Variants in VPS33B observed in about 807,000 individuals in gnomAD.
The protein encoded by VPS33B is vacuolar protein sorting-associated protein 33B.
A neutral mutation model predicts 95.3 loss-of-function variants in VPS33B; 80 were observed. The observed-to-expected ratio is 0.84, with a 90% CI of 0.70 to 1.01. VPS33B has a LOEUF of 1.01. Among genes scored for constraint, VPS33B ranks in the 50% least tolerant of loss-of-function variants. VPS33B has a pLI of 0.00. For missense variants in VPS33B, 715 were observed against 773.4 expected (o/e 0.92, Z 0.90); for synonymous variants, 280 against 280.4 (o/e 1.00, Z 0.01).
Position 91,017,150 on chromosome 15 carries a change from G to A in VPS33B, c.178-126C>T, listed in dbSNP as rs1338920610. 13 of 840,526 alleles carry A rather than the reference G, an allele frequency of 1.5e-5. No individual in the cohort carries two copies. In the East Asian group the frequency reaches 3.0e-4, roughly 19 times the overall value. The allele number at this position is 840,526 out of a possible 1,614,324, so 52.1% of individuals were successfully genotyped here. A position where few individuals can be genotyped will look rare whatever the true frequency, so the allele number is the denominator to read the frequency against. On this transcript the variant is annotated intron_variant, in intron 2 of 22. Coordinates refer to ENST00000333371, the MANE Select transcript of VPS33B (RefSeq NM_018668.5). ...TAATTATTGAGGGCTTCCTAATTAT[G>A]CTAATTATGCTCCCCTGACGACCAT...
chr15:91,016,235 A>G (rs889583939), intron 3 of VPS33B, among the ~76,000 whole-genome samples: 5 of 152,204 alleles, frequency 3.3e-5, no homozygotes, highest in African/African-American at 1.2e-4. Flanking sequence ...GTGGAAGCAC[A>G]TGTCAACAGA....
At chr15:91,008,801 G>C (rs1300737845) in intron 6 of VPS33B, among the ~76,000 whole-genome samples, 1 of 152,176 alleles carries the variant, frequency 6.6e-6, no homozygotes, top group Non-Finnish European at 1.5e-5. Context: ...AACCACAACT[G>C]GGGGTATAGG....
rs908009473 is a variant in VPS33B, at chr15:91,015,253, T to C, written c.240-820A>G. The stretch of plus-strand genomic sequence containing the variant: ...CAGGAGGCTGAGGCAGGAGAATCGC[T>C]TGAACCCAGGAGGTGGAGGTTACAG... On this transcript the variant is annotated intron_variant, in intron 3 of 22. Coordinates refer to ENST00000333371, the MANE Select transcript of VPS33B (RefSeq NM_018668.5). The surrounding 1 kb of genome is among the most constrained non-coding windows in gnomAD (Gnocchi z 4.7). Among the ~76,000 whole-genome samples, 1 of 151,758 alleles carries C rather than the reference T, an allele frequency of 6.6e-6. No homozygotes were observed. Among genetic ancestry groups the C allele is most frequent in the Non-Finnish European group, 1.5e-5 (1 of 67,988 alleles).
intron 3 of VPS33B, 43 bp downstream of exon 3, chr15:91,016,920 C>G: frequency 1.9e-6 from 3 of 1,601,288 alleles, no homozygotes; most frequent in Non-Finnish European, 2.6e-6. Flanking sequence ...CCCTAGGGAC[C>G]TCTTCCAGCT....
Position 91,005,641 on chromosome 15 carries a change from T to C in VPS33B, c.1030+53A>G. ...TCGGGAGTAATGGTCCTCTGGAGCT[T>C]TCCCCAGAGGGACACAGTCACTTCC... On this transcript the variant is annotated intron_variant, in intron 13 of 22. Coordinates refer to ENST00000333371, the MANE Select transcript of VPS33B (RefSeq NM_018668.5). This position sits in a 1 kb window ranked among gnomAD's most constrained non-coding sequence, Gnocchi z 6.4. 1.3e-6 allele frequency: 2 copies of C among 1,599,554 alleles called. No individual in the cohort carries two copies. The highest frequency in any genetic ancestry group is 1.7e-6 in the Non-Finnish European group (2 of 1,166,738).
At position 91,009,842 on chromosome 15, in the gene VPS33B, T is replaced by C. The variant is rs1326407913; in HGVS notation, c.362A>G (p.Tyr121Cys). ...YKVIFSPQKF[Y>C]ACEMVLEEEG... ...TTCCTCAAGCACCATCTCACACGCA[T>C]AGAACTGAAAGAGAAAAGGAAATTG... The change falls in exon 6 of 23, where the codon TAT becomes TGT. Residue 121 changes from tyrosine (Y) to cysteine (C), a missense_variant. Transcript: ENST00000333371. The surrounding 1 kb of genome is among the most constrained non-coding windows in gnomAD (Gnocchi z 4.1). 3.7e-6 allele frequency: 6 copies of C among 1,614,046 alleles called. No individual in the cohort carries two copies. The highest frequency in any genetic ancestry group is 2.7e-5 in the African/African-American group (2 of 74,920).
rs112976621 is a variant in VPS33B at position 91,005,617 on chromosome 15, C to A, written c.1030+77G>T. 1 of 1,590,106 alleles carries A rather than the reference C, an allele frequency of 6.3e-7. No individual in the cohort carries two copies. The highest frequency in any genetic ancestry group is 8.6e-7 in the Non-Finnish European group (1 of 1,158,258). On this transcript the variant is annotated intron_variant, in intron 13 of 22. Coordinates refer to ENST00000333371, the MANE Select transcript of VPS33B (RefSeq NM_018668.5). This position sits in a 1 kb window ranked among gnomAD's most constrained non-coding sequence, Gnocchi z 6.4. ...ATCAGATGAACAGGGATCTCCTCCT[C>A]GGGAGTAATGGTCCTCTGGAGCTTT...
chr15:91,007,806 G>T lies in VPS33B; in HGVS notation c.498+64C>A. On this transcript the variant is annotated intron_variant, in intron 7 of 22. Coordinates refer to ENST00000333371, the MANE Select transcript of VPS33B (RefSeq NM_018668.5). The surrounding 1 kb of genome is among the most constrained non-coding windows in gnomAD (Gnocchi z 5.3). ...GACAAAGGTTATATTGGTATTTCTA[G>T]CCCTCTGCATCCCACATTTGTCCCC... The T allele has an allele frequency of 1.4e-6, 2 of 1,455,476 alleles. No homozygotes were observed. The highest frequency in any genetic ancestry group is 9.6e-7 in the Non-Finnish European group (1 of 1,036,368). The allele number at this position is 1,455,476 out of a possible 1,614,324, so 90.2% of individuals were successfully genotyped here.
In VPS33B at chr15:91,016,967, C is replaced by G; in HGVS notation, c.235G>C (p.Glu79Gln). The G allele has an allele frequency of 6.2e-7, 1 of 1,613,994 alleles. No individual in the cohort carries two copies. Among genetic ancestry groups the G allele is most frequent in the African/African-American group, 1.3e-5 (1 of 75,018 alleles). ...CAGACTCTCCCAGACACTCACTGTTCATTGGAGCTGAGGGCTGGCTTGTTC... is the reference window on the plus strand; with the variant it reads ...CAGACTCTCCCAGACACTCACTGTTGATTGGAGCTGAGGGCTGGCTTGTTC... Reference protein sequence around the residue: ...VENKPALSSNEQLCFLVRPRI... With the variant: ...VENKPALSSNQQLCFLVRPRI... Residue 79 changes from glutamate (E) to glutamine (Q), a missense_variant, in exon 3 of 23, where the codon GAA (glutamate) becomes CAA (glutamine). Physicochemically the swap from Glu to Gln is conservative, Grantham distance 29. Coordinates refer to ENST00000333371, the MANE Select transcript of VPS33B (RefSeq NM_018668.5).
rs147032858 is a variant in VPS33B, at chr15:91,008,616, C to T, written c.404-652G>A. 2.0e-5 allele frequency among the ~76,000 whole-genome samples: 3 copies of T among 152,298 alleles called. No homozygotes were observed. In the East Asian group the frequency reaches 5.8e-4, roughly 29 times the overall value. ...TACTGAAAGCTGCCTACATGTAGGA[C>T]TGTATGAACACCAGAGATACAGCAG... On this transcript the variant is annotated intron_variant, in intron 6 of 22. Transcript: ENST00000333371.
chr15:91,001,489 C>T (rs781009489), intron 18 of VPS33B, 27 bp from the exon 19 acceptor site: 4 of 1,597,056 alleles, frequency 2.5e-6, no homozygotes, highest in Middle Eastern at 3.3e-4. Context: ...TGTCAGGTTT[C>T]ACCTAAGGTC....
rs993567064 is a variant in VPS33B at position 91,001,557 on chromosome 15, C to T, written c.1406-95G>A. ...ATTCAGGACACGACAGCACCAATCA[C>T]ATCCAAAAACTCTCGGAAGCTGTTC... On this transcript the variant is annotated intron_variant, in intron 18 of 22. Transcript: ENST00000333371. 5.9e-6 allele frequency: 6 copies of T among 1,012,446 alleles called. No individual in the cohort carries two copies. The African/African-American group carries it at 6.3e-5, about 11-fold the overall frequency. The allele number at this position is 1,012,446 out of a possible 1,614,324, so 62.7% of individuals were successfully genotyped here. A position where few individuals can be genotyped will look rare whatever the true frequency, so the allele number is the denominator to read the frequency against.
At position 91,007,869 on chromosome 15, in the gene VPS33B, C is replaced by A; in HGVS notation, c.498+1G>T. ...CAAGACACAAGGGCCTCTGCATTTACCAGAAAGTAATCCCTGAAAAATTCT... is the reference window on the plus strand; with the variant it reads ...CAAGACACAAGGGCCTCTGCATTTAACAGAAAGTAATCCCTGAAAAATTCT... On this transcript the variant is annotated splice_donor_variant, in intron 7 of 22. Transcript: ENST00000333371. LOFTEE classifies it high-confidence loss of function. This position sits in a 1 kb window ranked among gnomAD's most constrained non-coding sequence, Gnocchi z 5.3. The A allele has an allele frequency of 6.2e-7, 1 of 1,614,118 alleles. No individual in the cohort carries two copies. The highest frequency in any genetic ancestry group is 8.5e-7 in the Non-Finnish European group (1 of 1,179,976).
chr15:91,006,292 GCCTGGTATAAGCAGGGGGCCCACA>G lies in VPS33B; in HGVS notation c.852+56_852+79del. The G allele has an allele frequency of 1.0e-6, 1 of 978,024 alleles. No homozygotes were observed. Among genetic ancestry groups the G allele is most frequent in the South Asian group, 2.5e-5 (1 of 39,494 alleles). The allele number at this position is 978,024 out of a possible 1,614,324, so 60.6% of individuals were successfully genotyped here. Reference sequence around the variant, plus strand: ...TCCCCTCTCAGAGCTGGGGCCCACAGCCTGGTATAAGCAGGGGGCCCACAGCCTGGTATAAGCAGTGGCCCTAGG... The same window carrying G: ...TCCCCTCTCAGAGCTGGGGCCCACAGGCCTGGTATAAGCAGTGGCCCTAGG... On this transcript the variant is annotated intron_variant, in intron 11 of 22. Transcript: ENST00000333371. The surrounding 1 kb of genome is among the most constrained non-coding windows in gnomAD (Gnocchi z 5.4).
At chr15:91,016,199 G>C (rs763703083) in intron 3 of VPS33B, among the ~76,000 whole-genome samples, 1 of 152,070 alleles carries the variant, frequency 6.6e-6, no homozygotes, top group Non-Finnish European at 1.5e-5. Context: ...GTGATGAAAA[G>C]GGTGAAGGCA....
At position 91,006,584 on chromosome 15, in the gene VPS33B, C is replaced by G; in HGVS notation, c.778+68G>C. 6.2e-7 allele frequency: 1 copy of G among 1,609,346 alleles called. No individual in the cohort carries two copies. Among genetic ancestry groups the G allele is most frequent in the Non-Finnish European group, 8.5e-7 (1 of 1,175,680 alleles). Reference sequence around the variant, plus strand: ...CTGGGTCTCTCCCACAAACCCTGCCCCACGTGGGAGGTGCCAAGGCTGATG... The same window carrying G: ...CTGGGTCTCTCCCACAAACCCTGCCGCACGTGGGAGGTGCCAAGGCTGATG... On this transcript the variant is annotated intron_variant, in intron 10 of 22. Transcript: ENST00000333371. This position sits in a 1 kb window ranked among gnomAD's most constrained non-coding sequence, Gnocchi z 5.4.
Position 91,009,530 on chromosome 15 carries a change from C to T in VPS33B, c.403+271G>A, listed in dbSNP as rs192672102. On this transcript the variant is annotated intron_variant, in intron 6 of 22. Coordinates refer to ENST00000333371, the MANE Select transcript of VPS33B (RefSeq NM_018668.5). The surrounding 1 kb of genome is among the most constrained non-coding windows in gnomAD (Gnocchi z 4.1). ...CCATGTTGCCCAGGCTGGACTCAAA[C>T]TCCTGACCTCAGGTGATCCACCCCC... Among the ~76,000 whole-genome samples, 298 of 152,248 alleles carry T rather than the reference C, an allele frequency of 2.0e-3. 2 individuals are homozygous for T. Among genetic ancestry groups the T allele is most frequent in the Middle Eastern group, 0.01 (3 of 294 alleles).
intron 2 of VPS33B, among the ~76,000 whole-genome samples, chr15:91,017,423 T>TATATATATATATATA (rs3080463): frequency 1.9e-5 from 2 of 106,938 alleles, no homozygotes; most frequent in Non-Finnish European, 1.9e-5. Flanking sequence ...TATATATATA[T>TATATATATATATATA]TCTGTAGTAA....
chr15:91,001,948 C>T, intron 18 of VPS33B, 102 bp downstream of exon 18: 1 of 1,578,486 alleles, frequency 6.3e-7, no homozygotes. Flanking sequence ...AGGAAGGAAT[C>T]AGTCCACCTT....
Sources: allele counts gnomAD v4.1 joint callset (sites outside exome capture counted in the v4.1 genomes callset), GRCh38; gene constraint gnomAD v4.1.1; non-coding constraint Gnocchi (gnomAD v3.1); transcripts MANE v1.5; gene names NCBI Gene and HGNC (gene_info 2026-07-23, HGNC 2026-07-21).